Variants in MARCO observed in about 807,000 individuals in gnomAD.
MARCO encodes macrophage receptor with collagenous structure.
Under a neutral mutation model 70.0 loss-of-function variants are expected in MARCO, and 72 were observed. The observed-to-expected ratio is 1.03, with a 90% CI of 0.85 to 1.25. MARCO has a LOEUF of 1.25. Ranked by LOEUF, MARCO falls within the 50% of genes most tolerant of loss-of-function variation. The pLI is 0.00. For synonymous variants in MARCO, 273 were observed against 243.1 expected, an observed-to-expected ratio of 1.12 and a Z score of -1.14; for missense variants, 696 against 659.3, an observed-to-expected ratio of 1.06 and a Z score of -0.61.
At position 118,981,373 on chromosome 2, in the gene MARCO, C is replaced by T. The variant is rs747208579; in HGVS notation, c.767-36C>T. ...AGGACATGGTGGCCTGATTGGAGTT[C>T]CTCCCACAACTAACCAAGACTTTTT... On this transcript the variant is annotated intron_variant, in intron 8 of 16. Coordinates refer to ENST00000327097, the MANE Select transcript of MARCO (RefSeq NM_006770.4). 11 of 1,388,888 alleles carry T rather than the reference C, an allele frequency of 7.9e-6. No individual in the cohort carries two copies. In the African/African-American group the frequency reaches 1.3e-4, roughly 16 times the overall value. The allele number at this position is 1,388,888 out of a possible 1,614,324, so 86.0% of individuals were successfully genotyped here.
chr2:118,977,600 C>A, intron 7 of MARCO, 85 bp downstream of exon 7: 1 of 1,116,584 alleles, frequency 9.0e-7, no homozygotes, highest in Non-Finnish European at 1.3e-6. Flanking sequence ...ATCCTCTTTC[C>A]ACAGCCCCAC....
chr2:118,974,004 G>T (rs1364686950), intron 4 of MARCO, among the ~76,000 whole-genome samples: 1 of 152,140 alleles, frequency 6.6e-6, no homozygotes, highest in Non-Finnish European at 1.5e-5. Context: ...GTAATCTCAG[G>T]ACATCCCTGT....
At chr2:118,962,717 G>A (rs2104567149) in intron 1 of MARCO, among the ~76,000 whole-genome samples, 1 of 152,174 alleles carries the variant, frequency 6.6e-6, no homozygotes, top group East Asian at 1.9e-4. Flanking sequence ...ATTACGATAT[G>A]CTGGTAAAAC....
chr2:118,994,320 C>T (rs936365343), intron 16 of MARCO, 67 bp from the exon 17 acceptor site: 95 of 1,584,484 alleles, frequency 6.0e-5, no homozygotes, highest in African/African-American at 8.1e-5. Flanking sequence ...CAGGCGCACA[C>T]GTGGCTTCTT....
At chr2:118,942,505 G>A in intron 1 of MARCO, 108 bp downstream of exon 1, 1 of 865,172 alleles carries the variant, frequency 1.2e-6, no homozygotes, top group Non-Finnish European at 1.9e-6. Context: ...GCTTATTGCT[G>A]CATTTTGCAC....
At chr2:118,955,881 T>G (rs1175321753) in intron 1 of MARCO, among the ~76,000 whole-genome samples, 1 of 152,174 alleles carries the variant, frequency 6.6e-6, no homozygotes, top group Non-Finnish European at 1.5e-5. Flanking sequence ...AAAGACACAG[T>G]CATTTTCTGC....
At chr2:118,988,924 C>T (rs553035749) in intron 12 of MARCO, among the ~76,000 whole-genome samples, 7 of 152,150 alleles carry the variant, frequency 4.6e-5, no homozygotes, top group African/African-American at 1.2e-4. Flanking sequence ...CCGGGCTCAG[C>T]GCTTGATACA....
intron 12 of MARCO, among the ~76,000 whole-genome samples, chr2:118,989,134 G>A (rs1295219779): frequency 2.0e-5 from 3 of 152,208 alleles, no homozygotes; most frequent in African/African-American, 4.8e-5. Context: ...TGTCTTGGGC[G>A]AGGGAGAGAA....
chr2:118,945,228 T>A (rs1679572932), intron 1 of MARCO, among the ~76,000 whole-genome samples: 2 of 151,958 alleles, frequency 1.3e-5, no homozygotes, highest in Non-Finnish European at 2.9e-5. Context: ...GTTGGCAATA[T>A]CTTTCTGGGA....
At chr2:118,992,321 G>A (rs769132135) in intron 14 of MARCO, 111 bp from the exon 15 acceptor site, 23 of 806,880 alleles carry the variant, frequency 2.9e-5, no homozygotes, top group African/African-American at 5.1e-5. Context: ...CGAGACCCAC[G>A]GAGCATCTGA....
At position 118,942,312 on chromosome 2, in the gene MARCO, G is replaced by A; in HGVS notation, c.12G>A (p.Lys4=). 6.2e-7 allele frequency: 1 copy of A among 1,612,920 alleles called. No individual in the cohort carries two copies. The highest frequency in any genetic ancestry group is 8.5e-7 in the Non-Finnish European group (1 of 1,179,080). ...TATAAAGCTTGGCAATGAGAAATAA[G>A]AAAATTCTCAAGGAGGACGAGCTCT... MRN[K]KILKEDELLS... The change falls in exon 1 of 17, where the codon AAG becomes AAA. Residue 4 remains lysine, a synonymous_variant. Transcript: ENST00000327097.
At chr2:118,949,584 T>G (rs2104548049) in intron 1 of MARCO, 1 of 152,158 alleles carries the variant, frequency 6.6e-6, no homozygotes, top group Admixed American at 6.5e-5. Context: ...TACAGTGGGG[T>G]TAGAGTTGCT....
chr2:118,982,289 T>A, intron 11 of MARCO, 35 bp downstream of exon 11: 1 of 1,610,030 alleles, frequency 6.2e-7, no homozygotes, highest in South Asian at 1.1e-5. Flanking sequence ...GCACAGGGAG[T>A]GATGTGTGAA....
chr2:118,953,393 T>C (rs1679765174), intron 1 of MARCO, among the ~76,000 whole-genome samples: 1 of 152,252 alleles, frequency 6.6e-6, no homozygotes, highest in African/African-American at 2.4e-5. Flanking sequence ...ACTTTTTACT[T>C]TCTACATTTG....
chr2:118,978,723 A>G (rs1680334405), intron 8 of MARCO, among the ~76,000 whole-genome samples: 1 of 152,244 alleles, frequency 6.6e-6, no homozygotes, highest in Non-Finnish European at 1.5e-5. Flanking sequence ...TAAATTAGAT[A>G]TATTTTACAA....
rs543882315 is a variant in MARCO, at chr2:118,980,676, G to A, written c.767-733G>A. On this transcript the variant is annotated intron_variant, in intron 8 of 16. Coordinates refer to ENST00000327097, the MANE Select transcript of MARCO (RefSeq NM_006770.4). ...CCACTCTACCCACCCCCAGGGGAGT[G>A]GAGTTGAGCACGGACACCCAGCTGA... Among the ~76,000 whole-genome samples, 31 of 152,280 alleles carry A rather than the reference G, an allele frequency of 2.0e-4. No homozygotes were observed. In the South Asian group the frequency reaches 6.4e-3, roughly 32 times the overall value.
At chr2:118,975,289 T>C (rs1001288449) in intron 6 of MARCO, among the ~76,000 whole-genome samples, 6 of 152,044 alleles carry the variant, frequency 3.9e-5, no homozygotes, top group Non-Finnish European at 8.8e-5. Context: ...CCGCAAGGGG[T>C]TGAGGCTGCT....
intron 14 of MARCO, 65 bp downstream of exon 14, chr2:118,991,940 A>G: frequency 8.7e-7 from 1 of 1,144,302 alleles, no homozygotes; most frequent in Non-Finnish European, 1.3e-6. Flanking sequence ...TCTGTACCTT[A>G]AAATAGGAAA....
chr2:118,978,149 T>C (rs1680322181), intron 8 of MARCO, among the ~76,000 whole-genome samples: 1 of 152,104 alleles, frequency 6.6e-6, no homozygotes, highest in Non-Finnish European at 1.5e-5. Flanking sequence ...GGCATGACTA[T>C]GGCAAGCTGG....
Sources: gnomAD v4.1 joint callset for allele counts (sites outside exome capture counted in the v4.1 genomes callset) on GRCh38, gnomAD v4.1.1 for gene constraint, MANE v1.5 for transcripts, NCBI Gene and HGNC (gene_info 2026-07-23, HGNC 2026-07-21) for gene names.